The following RNF24 variants were observed in gnomAD, a reference collection of about 807,000 sequenced individuals.
The protein encoded by RNF24 is ring finger protein 24.
A neutral mutation model predicts 20.0 loss-of-function variants in RNF24; 14 were observed. The ratio of observed to expected loss-of-function variants is 0.70; its 90% confidence interval spans 0.46 to 1.10. RNF24 has a LOEUF of 1.10. Among genes scored for constraint, RNF24 ranks in the 50% least tolerant of loss-of-function variants. RNF24 has a pLI of 0.00. For missense variants in RNF24, 124 were observed against 177.6 expected, an observed-to-expected ratio of 0.70 and a Z score of 1.71; for synonymous variants, 45 against 61.1, an observed-to-expected ratio of 0.74 and a Z score of 1.23.
At position 3,973,739 on chromosome 20, in the gene RNF24, T is replaced by G. The variant is rs59897202; in HGVS notation, c.-7-9715A>C. ...ACAGTTTTATAACTATCAAAGAAAC[T>G]GAATTAGTCATTTAAAAATTCACAA... On this transcript the variant is annotated intron_variant, in intron 1 of 5. Coordinates refer to ENST00000358395, the MANE Select transcript of RNF24 (RefSeq NM_001134337.3). 7.2e-3 allele frequency among the ~76,000 whole-genome samples: 1,100 copies of G among 152,172 alleles called. 14 individuals carry two copies. Among genetic ancestry groups the G allele is most frequent in the African/African-American group, 0.025 (1,024 of 41,540 alleles).
intron 1 of RNF24, among the ~76,000 whole-genome samples, chr20:3,980,604 G>GGC (rs962303273): frequency 6.6e-6 from 1 of 152,080 alleles, no homozygotes; most frequent in Non-Finnish European, 1.5e-5. Context: ...TGAAAATAAG[G>GGC]GCGAACTACT....
intron 1 of RNF24, among the ~76,000 whole-genome samples, chr20:3,973,054 T>A (rs1334544824): frequency 3.3e-5 from 5 of 151,156 alleles, no homozygotes; most frequent in Non-Finnish European, 7.4e-5. Context: ...AACACAAAAA[T>A]TAGCTGGGTG....
chr20:3,933,513 G>A lies in RNF24; in HGVS notation c.*550C>T. ...TTGTAATCCTGAGGGGGAAATGGGT[G>A]ACGAGGAACACTGCTACTCAAAGCC... On this transcript the variant is annotated 3_prime_UTR_variant, in exon 6 of 6. Transcript: ENST00000358395. The A allele has an allele frequency of 4.3e-6, 1 of 233,474 alleles. No homozygotes were observed. The highest frequency in any genetic ancestry group is 8.2e-6 in the Non-Finnish European group (1 of 121,864). 14.5% of individuals were successfully genotyped at this position (233,474 alleles called of 1,614,324 possible). A position where few individuals can be genotyped will look rare whatever the true frequency, so the allele number is the denominator to read the frequency against.
intron 2 of RNF24, among the ~76,000 whole-genome samples, chr20:3,952,037 C>T (rs2091087453): frequency 6.6e-6 from 1 of 151,882 alleles, no homozygotes; most frequent in African/African-American, 2.4e-5. Flanking sequence ...AATACTGTTG[C>T]TTTAAAACAG....
intron 1 of RNF24, among the ~76,000 whole-genome samples, chr20:3,977,811 C>CAG (rs889400766): frequency 4.9e-5 from 7 of 143,428 alleles, no homozygotes; most frequent in Admixed American, 4.4e-4. Context: ...TTGCAGCGAG[C>CAG]AGAGATTGCG....
At chr20:4,002,380 C>T (rs1352739286) in intron 1 of RNF24, among the ~76,000 whole-genome samples, 3 of 151,816 alleles carry the variant, frequency 2.0e-5, no homozygotes, top group Non-Finnish European at 4.4e-5. Flanking sequence ...AGCAAGACTC[C>T]GTCTCAAAAA....
In RNF24 at chr20:3,934,071, T is replaced by A. The variant is rs1417632784; in HGVS notation, c.439A>T (p.Ile147Phe). ...PQGPLPGAEN[I>F]V ...CTGATCCTTGCGGTAAGCTATACAA[T>A]GTTCTCTGCCCCAGGAAGGGGCCCC... Residue 147 changes from isoleucine to phenylalanine, a missense_variant, in exon 6 of 6, where the codon ATT (isoleucine) becomes TTT (phenylalanine). Physicochemically the swap from Ile to Phe is conservative, Grantham distance 21. Transcript: ENST00000358395. The surrounding 1 kb of genome is among the most constrained non-coding windows in gnomAD (Gnocchi z 4.0). 4 of 1,497,014 alleles carry A rather than the reference T, an allele frequency of 2.7e-6. No homozygotes were observed. The highest frequency in any genetic ancestry group is 3.6e-6 in the Non-Finnish European group (4 of 1,125,804). 92.7% of individuals were successfully genotyped at this position (1,497,014 alleles called of 1,614,324 possible). A position where few individuals can be genotyped will look rare whatever the true frequency, so the allele number is the denominator to read the frequency against.
intron 1 of RNF24, among the ~76,000 whole-genome samples, chr20:3,970,634 GAAGATATA>G (rs1333487736): frequency 6.6e-6 from 1 of 152,042 alleles, no homozygotes; most frequent in African/African-American, 2.4e-5. Flanking sequence ...CAAAGAAACA[GAAGATATA>G]AAGAGGAACA....
intron 1 of RNF24, among the ~76,000 whole-genome samples, chr20:4,013,192 A>G (rs990684756): frequency 1.3e-5 from 2 of 152,180 alleles, no homozygotes; most frequent in African/African-American, 4.8e-5. Context: ...GAACGTGGTA[A>G]GAATTTTACT....
intron 4 of RNF24, among the ~76,000 whole-genome samples, chr20:3,938,519 G>C (rs1568614471): frequency 6.6e-6 from 1 of 152,160 alleles, no homozygotes; most frequent in Non-Finnish European, 1.5e-5. Flanking sequence ...AACTGGACTT[G>C]ATCAAATTAA....
rs574975352 is a variant in RNF24 at position 3,966,133 on chromosome 20, C to CAA, written c.-7-2111_-7-2110dup. On this transcript the variant is annotated intron_variant, in intron 1 of 5. Coordinates refer to ENST00000358395, the MANE Select transcript of RNF24 (RefSeq NM_001134337.3). ...TGGGTGACAGAGCGAGATTCCATCT[C>CAA]AAAAAAAAAAAAAAAAAAAAAAAAA... is the stretch of plus-strand genomic sequence containing the variant. Among the ~76,000 whole-genome samples, 286 of 81,454 alleles carry CAA rather than the reference C, an allele frequency of 3.5e-3. 5 individuals are homozygous for CAA. Among genetic ancestry groups the CAA allele is most frequent in the African/African-American group, 0.014 (269 of 19,840 alleles). 53.4% of individuals were successfully genotyped at this position (81,454 alleles called of 152,430 possible). A position where few individuals can be genotyped will look rare whatever the true frequency, so the allele number is the denominator to read the frequency against.
Position 3,951,562 on chromosome 20 carries a change from TTTA to T in RNF24, c.144-3286_144-3284del, listed in dbSNP as rs1217524810. ...TTGTAGTTCTCTAATTCCTTGCACA[TTTA>T]TTAACTGGAAATCTTCTATAAGGAA... is the stretch of plus-strand genomic sequence containing the variant. On this transcript the variant is annotated intron_variant, in intron 2 of 5. Transcript: ENST00000358395. Among the ~76,000 whole-genome samples, 3 of 152,352 alleles carry T rather than the reference TTTA, an allele frequency of 2.0e-5. No individual in the cohort carries two copies. The East Asian group carries it at 5.8e-4, about 29-fold the overall frequency.
Position 4,010,973 on chromosome 20 carries a change from T to C in RNF24, c.-8+4464A>G, listed in dbSNP as rs557932931. ...CTTGATGGAGGCACAAAGAATAGCATATTGGGTGAGATGGGGGGAGTATGC... is the reference window on the plus strand; with the variant it reads ...CTTGATGGAGGCACAAAGAATAGCACATTGGGTGAGATGGGGGGAGTATGC... On this transcript the variant is annotated intron_variant, in intron 1 of 5. Transcript: ENST00000358395. Among the ~76,000 whole-genome samples, 7 of 152,290 alleles carry C rather than the reference T, an allele frequency of 4.6e-5. No individual in the cohort carries two copies. The East Asian group carries it at 1.3e-3, about 29-fold the overall frequency.
At chr20:3,977,048 G>A (rs1183742748) in intron 1 of RNF24, among the ~76,000 whole-genome samples, 1 of 151,916 alleles carries the variant, frequency 6.6e-6, no homozygotes, top group Non-Finnish European at 1.5e-5. Flanking sequence ...AGGTCTGATG[G>A]AAAAGAACTG....
At chr20:3,972,928 C>T (rs186747755) in intron 1 of RNF24, among the ~76,000 whole-genome samples, 8 of 145,326 alleles carry the variant, frequency 5.5e-5, no homozygotes, top group Non-Finnish European at 1.1e-4. Context: ...AAGGGCTGGA[C>T]GGGATGGCTC....
At chr20:4,003,204 C>T (rs920227200) in intron 1 of RNF24, among the ~76,000 whole-genome samples, 2 of 152,270 alleles carry the variant, frequency 1.3e-5, no homozygotes, top group South Asian at 2.1e-4. Context: ...CTCCTGATCT[C>T]GTGATCTACC....
At chr20:3,962,355 A>T (rs1423915354) in intron 2 of RNF24, among the ~76,000 whole-genome samples, 1 of 152,106 alleles carries the variant, frequency 6.6e-6, no homozygotes, top group Non-Finnish European at 1.5e-5. Context: ...ACCCATCTCA[A>T]ATAATAATAA....
chr20:3,983,268 T>C (rs1486505981), intron 1 of RNF24, among the ~76,000 whole-genome samples: 1 of 152,230 alleles, frequency 6.6e-6, no homozygotes, highest in East Asian at 1.9e-4. Context: ...TTTATTTTAC[T>C]ACTTTCAGTA....
intron 2 of RNF24, among the ~76,000 whole-genome samples, chr20:3,949,175 T>C (rs1206595858): frequency 6.6e-6 from 1 of 151,754 alleles, no homozygotes; most frequent in Admixed American, 6.6e-5. Flanking sequence ...AGGTCAAGAG[T>C]TTGAGACCAG....
Sources: gnomAD v4.1 joint callset for allele counts (sites outside exome capture counted in the v4.1 genomes callset) on GRCh38, gnomAD v4.1.1 for gene constraint, Gnocchi (gnomAD v3.1) non-coding constraint, MANE v1.5 for transcripts, NCBI Gene and HGNC (gene_info 2026-07-23, HGNC 2026-07-21) for gene names.